The following RASSF3 variants were observed in gnomAD, a reference collection of about 807,000 sequenced individuals.
The protein encoded by RASSF3 is Ras association domain family member 3.
A neutral mutation model predicts 19.9 loss-of-function variants in RASSF3; 19 were observed. That is an observed-to-expected ratio of 0.96 (90% CI 0.67 to 1.40). The LOEUF (loss-of-function observed/expected upper bound fraction) is 1.40, where lower values mean the gene tolerates loss of function less well. RASSF3 is among the 40% of genes most tolerant of loss of function. The pLI, the probability that RASSF3 is intolerant of heterozygous loss-of-function variation, is 0.00. For synonymous variants in RASSF3, 110 were observed against 104.2 expected (o/e 1.06, Z -0.34); for missense variants, 306 against 289.8 (o/e 1.06, Z -0.41).
intron 1 of RASSF3, chr12:64,611,364 A>C (rs1345439447): frequency 1.3e-5 from 2 of 152,284 alleles, no homozygotes; most frequent in Non-Finnish European, 2.9e-5. Context: ...GATGTTTTGC[A>C]AACAAGCTCC....
At chr12:64,640,838 C>T (rs1435499780) in intron 1 of RASSF3, among the ~76,000 whole-genome samples, 1 of 151,910 alleles carries the variant, frequency 6.6e-6, no homozygotes, top group East Asian at 1.9e-4. Context: ...ACAGGGTCCT[C>T]ACTATGTTGC....
chr12:64,566,088 C>A (rs961856426), intron 2 of RASSF3, among the ~76,000 whole-genome samples: 23 of 151,770 alleles, frequency 1.5e-4, no homozygotes, highest in African/African-American at 5.3e-4. Flanking sequence ...ATAGTCCCAG[C>A]TACTCAGGAG....
At chr12:64,606,810 G>A (rs778143923), upstream of RASSF3, among the ~76,000 whole-genome samples, 7 of 151,972 alleles carry the variant, frequency 4.6e-5, no homozygotes, top group Non-Finnish European at 8.8e-5. Flanking sequence ...GTGAGACTGC[G>A]TCTCAAAAAA....
In RASSF3 at chr12:64,676,246, TC is replaced by T. The variant is rs557941886; in HGVS notation, c.112-8539del. Among the ~76,000 whole-genome samples, 5 of 135,732 alleles carry T rather than the reference TC, an allele frequency of 3.7e-5. No individual in the cohort carries two copies. The East Asian group carries it at 1.2e-3, about 32-fold the overall frequency. 89.0% of individuals were successfully genotyped at this position (135,732 alleles called of 152,430 possible). On this transcript the variant is annotated intron_variant, in intron 1 of 4. Coordinates refer to ENST00000542104, the MANE Select transcript of RASSF3 (RefSeq NM_178169.4). ...GGAGTGCAGTGGTGTAACCTCCACC[TC>T]CAGGGTTCAAGCGATTCTCCTGCCT...
chr12:64,581,122 AG>A (rs1222066658), intron 2 of RASSF3, among the ~76,000 whole-genome samples: 14 of 147,728 alleles, frequency 9.5e-5, no homozygotes, highest in African/African-American at 3.4e-4. Flanking sequence ...AAAAAAAAAA[AG>A]AGAGAGAGAG....
chr12:64,543,768 A>C (rs1004899939), downstream of RASSF3, among the ~76,000 whole-genome samples: 1 of 151,730 alleles, frequency 6.6e-6, no homozygotes, highest in Non-Finnish European at 1.5e-5. Flanking sequence ...GGGATTGTGA[A>C]TACACTAATT....
At chr12:64,602,116 GAA>G (rs113855938) in intron 2 of RASSF3, among the ~76,000 whole-genome samples, 11 of 120,286 alleles carry the variant, frequency 9.1e-5, no homozygotes, top group African/African-American at 2.1e-4. Flanking sequence ...CTTCGTCTCA[GAA>G]AAAAAAAAAA....
chr12:64,616,658 A>G (rs746395915), intron 1 of RASSF3, among the ~76,000 whole-genome samples: 2 of 152,218 alleles, frequency 1.3e-5, no homozygotes, highest in Non-Finnish European at 2.9e-5. Context: ...CTTCTCTTCT[A>G]TATGACAAGT....
At chr12:64,675,944 G>A (rs954191802) in intron 1 of RASSF3, among the ~76,000 whole-genome samples, 15 of 152,020 alleles carry the variant, frequency 9.9e-5, no homozygotes, top group African/African-American at 3.4e-4. Context: ...TCATCTGGCA[G>A]GGGGAAAAAA....
intron 1 of RASSF3, among the ~76,000 whole-genome samples, chr12:64,522,061 G>T (rs377735043): frequency 1.3e-5 from 2 of 152,230 alleles, no homozygotes; most frequent in African/African-American, 2.4e-5. Flanking sequence ...AGTTCTTTAG[G>T]CACGGTAAAC....
intron 1 of RASSF3, among the ~76,000 whole-genome samples, chr12:64,516,500 TCC>T (rs1016481776): frequency 6.7e-6 from 1 of 149,674 alleles, no homozygotes; most frequent in African/African-American, 2.5e-5. Context: ...GCGCCTGTAG[TCC>T]CAGCTACTTG....
At chr12:64,544,367 C>T (rs1328932159), downstream of RASSF3, among the ~76,000 whole-genome samples, 2 of 152,166 alleles carry the variant, frequency 1.3e-5, no homozygotes, top group African/African-American at 2.4e-5. Flanking sequence ...TCTAACACAT[C>T]AGAAGGAACA....
chr12:64,601,836 G>A (rs981980335), intron 2 of RASSF3, among the ~76,000 whole-genome samples: 1 of 151,540 alleles, frequency 6.6e-6, no homozygotes, highest in Non-Finnish European at 1.5e-5. Context: ...AGAAATATAA[G>A]GCCGGGTGCA....
At chr12:64,572,246 G>T (rs781282621) in intron 2 of RASSF3, among the ~76,000 whole-genome samples, 2 of 151,856 alleles carry the variant, frequency 1.3e-5, no homozygotes, top group Non-Finnish European at 2.9e-5. Context: ...ATCTTTGGGA[G>T]ACAATTCGAT....
At chr12:64,641,406 A>G (rs1440024522) in intron 1 of RASSF3, among the ~76,000 whole-genome samples, 7 of 139,328 alleles carry the variant, frequency 5.0e-5, no homozygotes, top group South Asian at 2.2e-4. Flanking sequence ...ACAGGCGCAC[A>G]CACACACACG....
At chr12:64,578,491 A>G (rs1006706248) in intron 2 of RASSF3, among the ~76,000 whole-genome samples, 8 of 152,082 alleles carry the variant, frequency 5.3e-5, no homozygotes, top group African/African-American at 1.9e-4. Context: ...CTGTCTCTAC[A>G]AAAAATGAAA....
chr12:64,679,919 C>T (rs1364081598), intron 1 of RASSF3, among the ~76,000 whole-genome samples: 2 of 152,198 alleles, frequency 1.3e-5, no homozygotes, highest in Admixed American at 6.5e-5. Flanking sequence ...TATCCACAGA[C>T]GGCTGCGCCC....
chr12:64,563,004 A>G (rs891726175), intron 2 of RASSF3, among the ~76,000 whole-genome samples: 7 of 151,966 alleles, frequency 4.6e-5, no homozygotes, highest in Admixed American at 3.3e-4. Flanking sequence ...AAATCTAACC[A>G]ATGTCCGTCT....
At chr12:64,642,610 T>C (rs1871581489) in intron 1 of RASSF3, among the ~76,000 whole-genome samples, 1 of 143,372 alleles carries the variant, frequency 7.0e-6, no homozygotes, top group African/African-American at 2.5e-5. Context: ...ACTTTGTAAT[T>C]AATACAAAGT....
Sources: gnomAD v4.1 joint callset for allele counts (sites outside exome capture counted in the v4.1 genomes callset) on GRCh38, gnomAD v4.1.1 for gene constraint, MANE v1.5 for transcripts, NCBI Gene and HGNC (gene_info 2026-07-23, HGNC 2026-07-21) for gene names.